SPHKAP: variants seen among roughly 807,000 people sequenced by gnomAD.
SPHKAP encodes the protein SPHK1 interactor, AKAP domain containing.
Under a neutral mutation model 137.5 loss-of-function variants are expected in SPHKAP, and 67 were observed. The observed-to-expected ratio is 0.49, with a 90% CI of 0.40 to 0.60. The LOEUF (loss-of-function observed/expected upper bound fraction) is 0.60. SPHKAP is among the 20% of genes least tolerant of loss of function. The pLI is 0.00. For missense variants in SPHKAP, 2,097 were observed against 2,069.3 expected (o/e 1.01, Z -0.26); for synonymous variants, 813 against 785.3 (o/e 1.04, Z -0.59).
chr2:228,169,685 C>T (rs1431800301), intron 1 of SPHKAP: 1 of 151,914 alleles, frequency 6.6e-6, no homozygotes, highest in African/African-American at 2.4e-5. Context: ...CATTCTGTAG[C>T]CCAAGGATCA....
intron 1 of SPHKAP, among the ~76,000 whole-genome samples, chr2:228,134,242 A>C: frequency 1.0e-5 from 1 of 96,986 alleles, no homozygotes; most frequent in East Asian, 2.3e-4. Context: ...GGGAGGAAGG[A>C]AGGAAGGAAG....
At chr2:227,992,322 A>G (rs1033114618) in intron 9 of SPHKAP, among the ~76,000 whole-genome samples, 16 of 152,162 alleles carry the variant, frequency 1.1e-4, no homozygotes, top group African/African-American at 3.9e-4. Context: ...CAGAAATGCT[A>G]ATTTTTCAAG....
At chr2:228,120,652 G>T (rs1396536146) in intron 2 of SPHKAP, among the ~76,000 whole-genome samples, 2 of 152,132 alleles carry the variant, frequency 1.3e-5, no homozygotes. Flanking sequence ...AAAAGAATAA[G>T]AGTACAGAGG....
At chr2:228,135,073 G>A (rs1302167366) in intron 1 of SPHKAP, among the ~76,000 whole-genome samples, 10 of 151,982 alleles carry the variant, frequency 6.6e-5, no homozygotes, top group African/African-American at 2.4e-4. Context: ...TCGGGAGTTC[G>A]AGACCAGCCT....
intron 1 of SPHKAP, among the ~76,000 whole-genome samples, chr2:228,156,364 C>T (rs1436574304): frequency 6.6e-6 from 1 of 152,146 alleles, no homozygotes; most frequent in Non-Finnish European, 1.5e-5. Flanking sequence ...ATGTCCCGGG[C>T]CTTCTTGTCA....
intron 3 of SPHKAP, among the ~76,000 whole-genome samples, chr2:228,078,520 CTG>C (rs1697255722): frequency 6.6e-6 from 1 of 151,622 alleles, no homozygotes; most frequent in African/African-American, 2.4e-5. Flanking sequence ...AGTGGTGTGA[CTG>C]TATCTCAATA....
rs74513600 is a variant in SPHKAP, at chr2:228,059,890, G to A, written c.247-32347C>T. ...GTAGTAATAAGCTTCACAATTTATC[G>A]CGCTCTATGCTAAGTGCTTGTACAT... is the stretch of plus-strand genomic sequence containing the variant. On this transcript the variant is annotated intron_variant, in intron 3 of 11. Transcript: ENST00000392056. Among the ~76,000 whole-genome samples, 19 of 152,218 alleles carry A rather than the reference G, an allele frequency of 1.2e-4. No individual in the cohort carries two copies. The East Asian group carries it at 1.9e-3, about 15-fold the overall frequency.
intron 3 of SPHKAP, among the ~76,000 whole-genome samples, chr2:228,057,745 ATGG>A (rs1041099249): frequency 3.3e-5 from 5 of 152,276 alleles, no homozygotes; most frequent in Non-Finnish European, 4.4e-5. Context: ...GAACAGAAGA[ATGG>A]TGGATATTGA....
intron 1 of SPHKAP, among the ~76,000 whole-genome samples, chr2:228,154,510 C>CTA (rs1255951798): frequency 0.012 from 438 of 37,476 alleles, 4 homozygotes; most frequent in Middle Eastern, 0.024. Flanking sequence ...CTCTCTCTCT[C>CTA]TCTATATATA....
intron 3 of SPHKAP, among the ~76,000 whole-genome samples, chr2:228,037,211 GA>G (rs988410224): frequency 6.6e-6 from 1 of 151,572 alleles, no homozygotes. Context: ...TGATTTCCAT[GA>G]AAAAAAATGC....
chr2:228,048,403 T>G (rs1299940986), intron 3 of SPHKAP, among the ~76,000 whole-genome samples: 1 of 152,124 alleles, frequency 6.6e-6, no homozygotes, highest in Non-Finnish European at 1.5e-5. Flanking sequence ...CTCTTTAATC[T>G]TTCAACTCCA....
At chr2:228,035,032 G>A (rs1246332154) in intron 3 of SPHKAP, among the ~76,000 whole-genome samples, 2 of 149,860 alleles carry the variant, frequency 1.3e-5, no homozygotes, top group African/African-American at 2.5e-5. Context: ...TCTGGCCAGG[G>A]CAATTAGGCA....
intron 1 of SPHKAP, among the ~76,000 whole-genome samples, chr2:228,140,985 ATTTC>A (rs1483596624): frequency 1.3e-5 from 2 of 152,140 alleles, no homozygotes; most frequent in African/African-American, 2.4e-5. Context: ...AGTCTCAGGT[ATTTC>A]TTTATAGCAA....
rs759233743 is a variant in SPHKAP, at chr2:227,991,196, C to T, written c.4775-12G>A. ...TCCAGATGCAGGTGCTGAGAACAGA[C>T]ACAACCACAGCCTTATCCTTCTTTC... On this transcript the variant is annotated splice_polypyrimidine_tract_variant and intron_variant, in intron 10 of 11. Coordinates refer to ENST00000392056, the MANE Select transcript of SPHKAP (RefSeq NM_001142644.2). 4.6e-5 allele frequency: 75 copies of T among 1,614,008 alleles called. No individual in the cohort carries two copies. Among genetic ancestry groups the T allele is most frequent in the Non-Finnish European group, 6.3e-5 (74 of 1,180,024 alleles).
chr2:228,005,152 G>A (rs1025703707), intron 7 of SPHKAP, among the ~76,000 whole-genome samples: 2 of 152,042 alleles, frequency 1.3e-5, no homozygotes, highest in Admixed American at 1.3e-4. Context: ...TTGACAGTGG[G>A]GTGTTAAAGT....
chr2:228,177,880 G>A (rs533691840), intron 1 of SPHKAP, among the ~76,000 whole-genome samples: 2 of 152,060 alleles, frequency 1.3e-5, no homozygotes, highest in African/African-American at 2.4e-5. Flanking sequence ...CATTCGAAAT[G>A]CCATATAAAA....
intron 3 of SPHKAP, among the ~76,000 whole-genome samples, chr2:228,074,992 A>T (rs1697132120): frequency 6.6e-6 from 1 of 152,164 alleles, no homozygotes; most frequent in South Asian, 2.1e-4. Context: ...AAAGAGAAGG[A>T]GGAAGGGGAG....
At chr2:228,134,924 GAAGA>G (rs1055466239) in intron 1 of SPHKAP, among the ~76,000 whole-genome samples, 1 of 152,130 alleles carries the variant, frequency 6.6e-6, no homozygotes, top group African/African-American at 2.4e-5. Context: ...GGCAAACTGA[GAAGA>G]AAGGCTGACA....
chr2:228,035,326 G>T (rs972241834), intron 3 of SPHKAP, among the ~76,000 whole-genome samples: 1 of 151,792 alleles, frequency 6.6e-6, no homozygotes, highest in Admixed American at 6.6e-5. Flanking sequence ...ACTTACAAGG[G>T]ATGTGAAGGA....
Sources: gnomAD v4.1 joint callset for allele counts (sites outside exome capture counted in the v4.1 genomes callset) on GRCh38, gnomAD v4.1.1 for gene constraint, MANE v1.5 for transcripts, NCBI Gene and HGNC (gene_info 2026-07-23, HGNC 2026-07-21) for gene names.